The following GPHN variants were observed in gnomAD, a reference collection of about 807,000 sequenced individuals.
GPHN encodes the protein gephyrin.
A neutral mutation model predicts 95.5 loss-of-function variants in GPHN; 17 were observed. That is an observed-to-expected ratio of 0.18 (90% confidence interval 0.12 to 0.27). The LOEUF (loss-of-function observed/expected upper bound fraction) is 0.27, where lower values mean the gene tolerates loss of function less well. Ranked by LOEUF, GPHN falls within the 10% of genes least tolerant of loss-of-function variation. The probability of loss-of-function intolerance (pLI) is 1.00; values close to 1 mark genes in which losing one functional copy is unlikely to be tolerated. For synonymous variants in GPHN, 320 were observed against 322.5 expected (o/e 0.99, Z 0.08); for missense variants, 660 against 978.1 (o/e 0.67, Z 4.34).
At chr14:67,301,718 G>C in the GPHN span, among the ~76,000 whole-genome samples, 1 of 152,062 alleles carries the variant, frequency 6.6e-6, no homozygotes, top group Admixed American at 6.6e-5. Context: ...TGTATTTTCT[G>C]TAAGTTTAAT....
At chr14:67,419,593 T>C in the GPHN span, among the ~76,000 whole-genome samples, 20 of 151,898 alleles carry the variant, frequency 1.3e-4, no homozygotes, top group African/African-American at 4.1e-4. Flanking sequence ...CGGGGGGCGG[T>C]GGCTCACGCC....
At chr14:66,957,567 A>C (rs1157064487) in intron 8 of GPHN, among the ~76,000 whole-genome samples, 1 of 152,070 alleles carries the variant, frequency 6.6e-6, no homozygotes, top group East Asian at 1.9e-4. Flanking sequence ...GTAAGGTTTC[A>C]ATCTTTTTAA....
chr14:67,319,722 C>CA, the GPHN span, among the ~76,000 whole-genome samples: 31 of 152,180 alleles, frequency 2.0e-4, no homozygotes, highest in Non-Finnish European at 3.4e-4. Flanking sequence ...GCTCATGGGC[C>CA]ACGGGTTGGA....
intron 1 of GPHN, among the ~76,000 whole-genome samples, chr14:66,584,727 C>T (rs142880449): frequency 1.9e-4 from 29 of 152,042 alleles, no homozygotes; most frequent in African/African-American, 5.1e-4. Flanking sequence ...CTTGCATCCC[C>T]GGGATGAAGC....
At chr14:67,579,661 A>C in the GPHN span, 1 of 1,533,782 alleles carries the variant, frequency 6.5e-7, no homozygotes, top group Non-Finnish European at 8.9e-7. Context: ...CACCTCCACC[A>C]GCCCTAGTGA....
At chr14:66,629,106 TA>T (rs2063640155) in intron 1 of GPHN, among the ~76,000 whole-genome samples, 3 of 137,160 alleles carry the variant, frequency 2.2e-5, no homozygotes, top group South Asian at 4.4e-4. Flanking sequence ...AATATATATT[TA>T]TATACATATA....
the GPHN span, among the ~76,000 whole-genome samples, chr14:67,689,759 C>T: frequency 1.3e-5 from 2 of 152,124 alleles, no homozygotes; most frequent in Non-Finnish European, 2.9e-5. Flanking sequence ...CCCTGACCAA[C>T]ATGGTGAAAT....
the GPHN span, among the ~76,000 whole-genome samples, chr14:67,465,400 G>C: frequency 7.8e-6 from 1 of 128,822 alleles, no homozygotes; most frequent in Non-Finnish European, 1.9e-5. Context: ...GGCGAGAAAT[G>C]AGGCCAAACC....
At chr14:66,611,366 C>G (rs2062775134) in intron 1 of GPHN, among the ~76,000 whole-genome samples, 1 of 152,084 alleles carries the variant, frequency 6.6e-6, no homozygotes, top group South Asian at 2.1e-4. Context: ...AGATAAGATA[C>G]CCTTAACACT....
chr14:67,117,645 T>C (rs927777605), intron 16 of GPHN, among the ~76,000 whole-genome samples: 41 of 152,164 alleles, frequency 2.7e-4, no homozygotes, highest in African/African-American at 8.7e-4. Flanking sequence ...AAAGTTCTTA[T>C]AGGCACACAA....
At chr14:67,376,652 A>G in the GPHN span, 1 of 1,544,700 alleles carries the variant, frequency 6.5e-7, no homozygotes, top group Non-Finnish European at 8.8e-7. Context: ...CTGATATTTA[A>G]CAGCATAGCA....
At chr14:66,629,175 A>ATT (rs1434693857) in intron 1 of GPHN, among the ~76,000 whole-genome samples, 3 of 137,574 alleles carry the variant, frequency 2.2e-5, no homozygotes, top group African/African-American at 5.4e-5. Context: ...ATAAATATAT[A>ATT]TATACATATA....
chr14:67,167,973 G>A (rs1327962125), intron 20 of GPHN, among the ~76,000 whole-genome samples: 1 of 152,132 alleles, frequency 6.6e-6, no homozygotes, highest in Non-Finnish European at 1.5e-5. Context: ...ATTTCTTCTT[G>A]GAGTGATATA....
At chr14:66,969,057 A>G (rs2069553970) in intron 9 of GPHN, 1 of 152,124 alleles carries the variant, frequency 6.6e-6, no homozygotes. Context: ...CAACCTAATG[A>G]AGATAACCAT....
chr14:67,224,183 T>C, the GPHN span, among the ~76,000 whole-genome samples: 1 of 152,164 alleles, frequency 6.6e-6, no homozygotes, highest in East Asian at 1.9e-4. Flanking sequence ...ATGCACTGTT[T>C]TTATGACAAC....
intron 1 of GPHN, among the ~76,000 whole-genome samples, chr14:66,655,432 T>A (rs752124296): frequency 9.2e-5 from 14 of 152,260 alleles, no homozygotes; most frequent in Admixed American, 1.3e-4. Context: ...ACAAATGTAA[T>A]TGATTTTCAT....
In GPHN at chr14:66,650,274, T is replaced by C. The variant is rs1414600680; in HGVS notation, c.65-30833T>C. Among the ~76,000 whole-genome samples, 3 of 152,166 alleles carry C rather than the reference T, an allele frequency of 2.0e-5. No individual in the cohort carries two copies. The East Asian group carries it at 5.8e-4, about 29-fold the overall frequency. On this transcript the variant is annotated intron_variant, in intron 1 of 22. Transcript: ENST00000478722. ...CACATGGAGACTACACGCCCTGCAT[T>C]AGAAGACAAGCCTTTGGAGTTTTTC...
At chr14:67,735,319 C>T in the GPHN span, 51 of 809,014 alleles carry the variant, frequency 6.3e-5, no homozygotes, top group Middle Eastern at 1.0e-3. Flanking sequence ...GTGTCTCGCC[C>T]GACACCAAAA....
chr14:67,058,010 A>G (rs973264778), intron 10 of GPHN, among the ~76,000 whole-genome samples: 8 of 152,210 alleles, frequency 5.3e-5, no homozygotes, highest in Non-Finnish European at 8.8e-5. Flanking sequence ...TCCAGTTTGC[A>G]CCATAAAGTG....
Sources: gnomAD v4.1 joint callset for allele counts (sites outside exome capture counted in the v4.1 genomes callset) on GRCh38, gnomAD v4.1.1 for gene constraint, MANE v1.5 for transcripts, NCBI Gene and HGNC (gene_info 2026-07-23, HGNC 2026-07-21) for gene names.